Variants in RGSL1 observed in about 807,000 individuals in gnomAD.
RGSL1 encodes the protein regulator of G protein signaling like 1, also known as regulator of G protein signaling protein-like.
A neutral mutation model predicts 124.7 loss-of-function variants in RGSL1; 97 were observed. The observed-to-expected ratio is 0.78, with a 90% confidence interval of 0.66 to 0.92. The LOEUF is 0.92. Among genes scored for constraint, RGSL1 ranks in the 40% least tolerant of loss-of-function variants. The pLI, the probability that RGSL1 is intolerant of heterozygous loss-of-function variation, is 0.00. For synonymous variants in RGSL1, 424 were observed against 438.1 expected (o/e 0.97, Z 0.40); for missense variants, 1,233 against 1,288.4 (o/e 0.96, Z 0.66).
intron 9 of RGSL1, among the ~76,000 whole-genome samples, chr1:182,512,257 T>C (rs1282630832): frequency 1.3e-5 from 2 of 152,244 alleles, no homozygotes; most frequent in Non-Finnish European, 2.9e-5. Context: ...TTTATTATTA[T>C]ATAGTGACTC....
chr1:182,488,905 G>C, intron 7 of RGSL1, 75 bp from the exon 8 acceptor site: 1 of 1,198,652 alleles, frequency 8.3e-7, no homozygotes, highest in Non-Finnish European at 1.2e-6. Flanking sequence ...ATGGAGCACT[G>C]AGTTATTACA....
intron 21 of RGSL1, 69 bp downstream of exon 21, chr1:182,556,291 G>T: frequency 2.0e-6 from 1 of 496,958 alleles, no homozygotes; most frequent in South Asian, 3.1e-5. Context: ...AGGAGACCTG[G>T]GCTCTAGGTC....
intron 9 of RGSL1, among the ~76,000 whole-genome samples, chr1:182,502,335 C>T (rs759455056): frequency 6.6e-6 from 1 of 152,018 alleles, no homozygotes; most frequent in African/African-American, 2.4e-5. Context: ...AATCCCAGCA[C>T]TTTGGAGGCC....
Position 182,471,705 on chromosome 1 carries a change from G to T in RGSL1, c.302-691G>T, listed in dbSNP as rs573203124. Among the ~76,000 whole-genome samples the T allele has an allele frequency of 1.4e-3, 211 of 152,264 alleles. 1 individual carries two copies. The highest frequency in any genetic ancestry group is 2.8e-3 in the Non-Finnish European group (190 of 68,002). On this transcript the variant is annotated intron_variant, in intron 4 of 21. Transcript: ENST00000294854. ...CCCTGCTTCACAAAGCTGCCATTTT[G>T]GTGGGGAGATGGACAAGGAACACGT...
chr1:182,487,397 T>G (rs1655170822), intron 6 of RGSL1, among the ~76,000 whole-genome samples: 1 of 152,182 alleles, frequency 6.6e-6, no homozygotes, highest in African/African-American at 2.4e-5. Flanking sequence ...CCTGGGCTCT[T>G]CACATGAATG....
At position 182,548,597 on chromosome 1, in the gene RGSL1, T is replaced by C. The variant is rs1408599561; in HGVS notation, c.2809-103T>C. On this transcript the variant is annotated intron_variant, in intron 16 of 21. Transcript: ENST00000294854. ...ACCTAGCAACTCCATGAAAACCGTA[T>C]GCCTTTTGGAGAGGGGGTGGTCATG... is the stretch of plus-strand genomic sequence containing the variant. 2.6e-6 allele frequency: 4 copies of C among 1,516,198 alleles called. No individual in the cohort carries two copies. The East Asian group carries it at 9.8e-5, about 37-fold the overall frequency. 93.9% of individuals were successfully genotyped at this position (1,516,198 alleles called of 1,614,324 possible).
chr1:182,457,871 A>C (rs1287751708), intron 2 of RGSL1, among the ~76,000 whole-genome samples: 1 of 152,226 alleles, frequency 6.6e-6, no homozygotes, highest in Non-Finnish European at 1.5e-5. Flanking sequence ...TTGTATCCCC[A>C]GTCTCCACAT....
chr1:182,553,331 G>A (rs766486226), intron 18 of RGSL1, 124 bp from the exon 19 acceptor site: 17 of 707,174 alleles, frequency 2.4e-5, no homozygotes, highest in Non-Finnish European at 3.6e-5. Flanking sequence ...TTTAGATAAT[G>A]TTTTATCATT....
At chr1:182,491,088 A>T (rs973813848) in intron 8 of RGSL1, among the ~76,000 whole-genome samples, 1 of 149,922 alleles carries the variant, frequency 6.7e-6, no homozygotes, top group Non-Finnish European at 1.5e-5. Context: ...GGGTCTTGCC[A>T]TGTTGCCCAG....
chr1:182,521,877 G>A, intron 9 of RGSL1, 127 bp from the exon 10 acceptor site: 1 of 629,420 alleles, frequency 1.6e-6, no homozygotes, highest in African/African-American at 1.8e-5. Context: ...CTTAACCTGA[G>A]ATGGCAGCAG....
chr1:182,468,710 T>A (rs1437026627), intron 4 of RGSL1, among the ~76,000 whole-genome samples: 1 of 152,066 alleles, frequency 6.6e-6, no homozygotes, highest in Non-Finnish European at 1.5e-5. Flanking sequence ...CATGTATACA[T>A]ATGTAACAAA....
At chr1:182,471,470 G>A in intron 4 of RGSL1, 1 of 418,748 alleles carries the variant, frequency 2.4e-6, no homozygotes, top group South Asian at 1.7e-5. Flanking sequence ...ACAATTATGT[G>A]TGTCTGTGTT....
chr1:182,549,296 C>G (rs1419637889), intron 17 of RGSL1: 1 of 155,326 alleles, frequency 6.4e-6, no homozygotes, highest in Non-Finnish European at 1.4e-5. Context: ...CTCCAATTAT[C>G]AAGAGGAGCT....
At chr1:182,499,000 C>T (rs1656150534) in intron 9 of RGSL1, among the ~76,000 whole-genome samples, 1 of 152,132 alleles carries the variant, frequency 6.6e-6, no homozygotes, top group Non-Finnish European at 1.5e-5. Flanking sequence ...ACAATGTTGG[C>T]CAGGCTGGTC....
intron 17 of RGSL1, chr1:182,550,065 A>G (rs1440560977): frequency 5.9e-5 from 9 of 152,196 alleles, no homozygotes; most frequent in African/African-American, 2.2e-4. Flanking sequence ...ACTTTCCTAC[A>G]TACTTACAAA....
At chr1:182,478,322 G>A (rs941006279) in intron 6 of RGSL1, among the ~76,000 whole-genome samples, 1 of 152,046 alleles carries the variant, frequency 6.6e-6, no homozygotes, top group African/African-American at 2.4e-5. Flanking sequence ...AGAAAAACAT[G>A]CATCAATAAA....
chr1:182,535,784 T>C (rs181031538), intron 14 of RGSL1, among the ~76,000 whole-genome samples: 56 of 152,306 alleles, frequency 3.7e-4, no homozygotes, highest in African/African-American at 1.3e-3. Context: ...AATTACTTTT[T>C]AGAATCAGTT....
intron 14 of RGSL1, among the ~76,000 whole-genome samples, chr1:182,536,084 A>G (rs1039284369): frequency 1.3e-5 from 2 of 152,180 alleles, no homozygotes; most frequent in African/African-American, 4.8e-5. Flanking sequence ...CTTCTTTTAC[A>G]TAGCATGATG....
chr1:182,449,941 A>G (rs957118482), upstream of RGSL1, among the ~76,000 whole-genome samples: 11 of 152,332 alleles, frequency 7.2e-5, no homozygotes, highest in African/African-American at 2.6e-4. Flanking sequence ...CTAAAGGCTT[A>G]AGTATAGGAG....
Sources: gnomAD v4.1 joint callset for allele counts (sites outside exome capture counted in the v4.1 genomes callset) on GRCh38, gnomAD v4.1.1 for gene constraint, MANE v1.5 for transcripts, NCBI Gene and HGNC (gene_info 2026-07-23, HGNC 2026-07-21) for gene names.